Variants in FOXP2 observed in about 807,000 individuals in gnomAD.
The protein encoded by FOXP2 is forkhead box P2.
A neutral mutation model predicts 115.8 loss-of-function variants in FOXP2; 12 were observed. The observed-to-expected ratio is 0.10, with a 90% CI of 0.07 to 0.17. The LOEUF is 0.17. FOXP2 is among the 10% of genes least tolerant of loss of function. The pLI is 1.00. For synonymous variants in FOXP2, 328 were observed against 297.7 expected (o/e 1.10, Z -1.05); for missense variants, 629 against 843.5 (o/e 0.75, Z 3.15).
intron 6 of FOXP2, among the ~76,000 whole-genome samples, chr7:114,635,731 CTT>C (rs1328369298): frequency 8.5e-5 from 13 of 152,062 alleles, no homozygotes; most frequent in Admixed American, 6.6e-4. Context: ...CCATTTATCT[CTT>C]AAGTCTTTTT....
At chr7:114,386,330 TTTTTAAGCTTTTTAAAAAAA>T (rs1351412360) in intron 2 of FOXP2, among the ~76,000 whole-genome samples, 3 of 152,238 alleles carry the variant, frequency 2.0e-5, no homozygotes, top group African/African-American at 7.2e-5. Context: ...TTTTTAAAGC[TTTTTAAGCTTTTTAAAAAAA>T]TTTTAAGCTT....
At chr7:114,605,032 C>T (rs1803236940) in intron 3 of FOXP2, among the ~76,000 whole-genome samples, 2 of 152,096 alleles carry the variant, frequency 1.3e-5, no homozygotes, top group Admixed American at 1.3e-4. Context: ...AATGTGAAAA[C>T]ATTTTGTAAA....
intron 3 of FOXP2, among the ~76,000 whole-genome samples, chr7:114,591,863 T>C (rs890118929): frequency 1.3e-5 from 2 of 152,090 alleles, no homozygotes; most frequent in African/African-American, 4.8e-5. Flanking sequence ...GTATATTCTA[T>C]ATCTGTGGTG....
rs755756689 is a variant in FOXP2, at chr7:114,534,598, G to C, written c.169-19G>C. 1 of 1,603,540 alleles carries C rather than the reference G, an allele frequency of 6.2e-7. No individual in the cohort carries two copies. Among genetic ancestry groups the C allele is most frequent in the East Asian group, 2.2e-5 (1 of 44,712 alleles). ...ACTTTCAACAAAATATTTAGATAAG[G>C]TTTCATTTTTACTTCTAGGCTCTCC... On this transcript the variant is annotated intron_variant, in intron 2 of 16. Coordinates refer to ENST00000350908, the MANE Select transcript of FOXP2 (RefSeq NM_014491.4).
At chr7:114,215,760 A>G (rs1794471712) in intron 1 of FOXP2, among the ~76,000 whole-genome samples, 1 of 152,250 alleles carries the variant, frequency 6.6e-6, no homozygotes. Flanking sequence ...AGACGGTCTT[A>G]CAGTACAAAA....
chr7:114,336,426 G>T lies in FOXP2; in HGVS notation c.-11+48317G>T, dbSNP rs542340135. Among the ~76,000 whole-genome samples, 6 of 151,376 alleles carry T rather than the reference G, an allele frequency of 4.0e-5. No individual in the cohort carries two copies. In the South Asian group the frequency reaches 1.3e-3, roughly 32 times the overall value. ...TGGAGATAAATTCCTCCTACAAAAA[G>T]AAATGTGTAAAGTAGAACTAACTAT... On this transcript the variant is annotated intron_variant, in intron 2 of 17. Transcript: ENST00000634411.
intron 2 of FOXP2, among the ~76,000 whole-genome samples, chr7:114,508,133 A>T (rs73718515): frequency 0.03 from 4,488 of 152,108 alleles, 176 homozygotes; most frequent in African/African-American, 0.089. Context: ...TATTAATTTA[A>T]ATGTGATAGA....
At chr7:114,237,977 C>T (rs1347805750) in intron 1 of FOXP2, among the ~76,000 whole-genome samples, 2 of 152,020 alleles carry the variant, frequency 1.3e-5, no homozygotes, top group East Asian at 1.9e-4. Flanking sequence ...GACTGCATCT[C>T]AAACAAACAA....
intron 16 of FOXP2, among the ~76,000 whole-genome samples, chr7:114,681,084 G>A (rs1165087074): frequency 6.6e-6 from 1 of 152,124 alleles, no homozygotes; most frequent in Non-Finnish European, 1.5e-5. Flanking sequence ...GACACTTAGG[G>A]CTGGCAATCT....
chr7:114,659,746 C>T, intron 13 of FOXP2, 73 bp downstream of exon 13: 2 of 1,189,804 alleles, frequency 1.7e-6, no homozygotes, highest in Non-Finnish European at 2.5e-6. Context: ...CATTTATTTA[C>T]ATGACATAAG....
intron 2 of FOXP2, among the ~76,000 whole-genome samples, chr7:114,448,584 C>T (rs185652379): frequency 2.9e-4 from 44 of 152,046 alleles, no homozygotes; most frequent in East Asian, 1.2e-3. Flanking sequence ...ATAGTGGTGC[C>T]GCTAGCCTTT....
chr7:114,645,650 T>G (rs1266791939), intron 8 of FOXP2: 1 of 152,134 alleles, frequency 6.6e-6, no homozygotes, highest in Non-Finnish European at 1.5e-5. Flanking sequence ...AACTGTTTCA[T>G]GCTTCATCAA....
chr7:114,281,852 T>C lies in FOXP2; in HGVS notation c.-101-6167T>C, dbSNP rs17136896. Among the ~76,000 whole-genome samples the C allele has an allele frequency of 5.7e-4, 87 of 152,290 alleles. No homozygotes were observed. In the East Asian group the frequency reaches 0.012, roughly 21 times the overall value. ...TATTTCATCTCTATTTCTGTGAATG[T>C]ATCTTCTTAATGGATTTATTAGGAT... On this transcript the variant is annotated intron_variant, in intron 1 of 17. Coordinates refer to the FOXP2 transcript ENST00000634411.
At chr7:114,175,461 G>C (rs1793264421) in intron 1 of FOXP2, among the ~76,000 whole-genome samples, 1 of 152,114 alleles carries the variant, frequency 6.6e-6, no homozygotes, top group South Asian at 2.1e-4. Context: ...AGACACTATA[G>C]AATAGTTTGA....
intron 1 of FOXP2, among the ~76,000 whole-genome samples, chr7:114,271,718 A>G (rs1166281449): frequency 8.5e-6 from 1 of 117,378 alleles, no homozygotes. Flanking sequence ...TTTAATACAT[A>G]TGTATTAAAT....
intron 2 of FOXP2, among the ~76,000 whole-genome samples, chr7:114,500,420 T>C (rs1308235461): frequency 1.3e-5 from 2 of 152,110 alleles, no homozygotes; most frequent in Non-Finnish European, 2.9e-5. Context: ...TTTACTGCTA[T>C]TTAAAATTGT....
intron 2 of FOXP2, among the ~76,000 whole-genome samples, chr7:114,511,205 G>T (rs1174931034): frequency 6.6e-6 from 1 of 152,054 alleles, no homozygotes; most frequent in African/African-American, 2.4e-5. Context: ...GGGCCTGTCA[G>T]GGGGTGGGGG....
chr7:114,425,261 G>A (rs1793793492), intron 1 of FOXP2, among the ~76,000 whole-genome samples: 1 of 151,596 alleles, frequency 6.6e-6, no homozygotes, highest in Non-Finnish European at 1.5e-5. Context: ...ATTAGATTGA[G>A]TGATAAGTTT....
intron 2 of FOXP2, among the ~76,000 whole-genome samples, chr7:114,501,236 G>A (rs1204299774): frequency 6.6e-6 from 1 of 152,070 alleles, no homozygotes; most frequent in Non-Finnish European, 1.5e-5. Flanking sequence ...GATTTTAAGC[G>A]AGGTTATTAA....
Sources: allele counts gnomAD v4.1 joint callset (sites outside exome capture counted in the v4.1 genomes callset), GRCh38; gene constraint gnomAD v4.1.1; transcripts MANE v1.5; gene names NCBI Gene and HGNC (gene_info 2026-07-23, HGNC 2026-07-21).